Variants in DDX17 observed in about 807,000 individuals in gnomAD.
DDX17 encodes the protein probable ATP-dependent RNA helicase DDX17.
In DDX17, 10 loss-of-function variants were observed where a neutral mutation model predicts 80.8. The observed-to-expected ratio is 0.12, with a 90% CI of 0.08 to 0.21. The LOEUF (loss-of-function observed/expected upper bound fraction) is 0.21, where lower values mean the gene tolerates loss of function less well. DDX17 is among the 10% of genes least tolerant of loss of function. DDX17 has a pLI of 1.00. For missense variants in DDX17, 586 were observed against 957.4 expected (o/e 0.61, Z 5.12); for synonymous variants, 339 against 336.2 (o/e 1.01, Z -0.09).
intron 6 of DDX17, among the ~76,000 whole-genome samples, chr22:38,495,533 C>G (rs2145698727): frequency 6.6e-6 from 1 of 152,292 alleles, no homozygotes; most frequent in South Asian, 2.1e-4. Flanking sequence ...GCATGAGCCA[C>G]CGCACTGGCC....
Position 38,506,214 on chromosome 22 carries a change from C to CGGGGCTACAAAGCCGGT in DDX17, c.7_23dup (p.Ile9ProfsTer4). 1 of 1,606,850 alleles carries CGGGGCTACAAAGCCGGT rather than the reference C, an allele frequency of 6.2e-7. No individual in the cohort carries two copies. The highest frequency in any genetic ancestry group is 8.5e-7 in the Non-Finnish European group (1 of 1,177,232). On this transcript the variant is annotated stop_gained and frameshift_variant, in exon 1 of 13. Coordinates refer to ENST00000403230, the MANE Select transcript of DDX17 (RefSeq NM_006386.5). LOFTEE classifies it high-confidence loss of function. ...GAGACGGGAGCAAAACACAGAGAATCGGGGCTACAAAGCCGGTGGGCAGGT... is the reference window on the plus strand; with the variant it reads ...GAGACGGGAGCAAAACACAGAGAATCGGGGCTACAAAGCCGGTGGGGCTACAAAGCCGGTGGGCAGGT...
intron 11 of DDX17, 46 bp from the exon 12 acceptor site, chr22:38,488,161 A>T (rs745565649): frequency 6.2e-7 from 1 of 1,612,290 alleles, no homozygotes; most frequent in Non-Finnish European, 8.5e-7. Context: ...TGTGGCAGGG[A>T]AAGAGAAGGT....
At chr22:38,486,467 T>A in intron 12 of DDX17, 27 bp from the exon 13 acceptor site, 1 of 1,558,336 alleles carries the variant, frequency 6.4e-7, no homozygotes, top group Non-Finnish European at 8.7e-7. Flanking sequence ...AGAAGATTTT[T>A]AATGGCAGAT....
intron 12 of DDX17, among the ~76,000 whole-genome samples, 189 bp downstream of exon 12, chr22:38,487,686 TTAAC>T (rs1244787588): frequency 1.3e-5 from 2 of 152,318 alleles, no homozygotes; most frequent in Admixed American, 6.5e-5. Flanking sequence ...ACAATTTAGC[TTAAC>T]TAATAGGACT....
chr22:38,495,833 A>C lies in DDX17; in HGVS notation c.843T>G (p.Gly281=). 1 of 1,610,304 alleles carries C rather than the reference A, an allele frequency of 6.2e-7. No homozygotes were observed. Among genetic ancestry groups the C allele is most frequent in the Non-Finnish European group, 8.5e-7 (1 of 1,178,270 alleles). Reference sequence around the variant, plus strand: ...CTCGAATCTGGGGACCTTTAGGAGCACCTCCATAAATACAAGTACTCTTCA... The same window carrying C: ...CTCGAATCTGGGGACCTTTAGGAGCCCCTCCATAAATACAAGTACTCTTCA... Residue 281 remains glycine, a synonymous_variant, in exon 6 of 13, where the codon GGT becomes GGG. Transcript: ENST00000403230.
In DDX17 at chr22:38,493,725, CT is replaced by C; in HGVS notation, c.1371del (p.Asp458IlefsTer20). The C allele has an allele frequency of 6.2e-7, 1 of 1,613,052 alleles. No individual in the cohort carries two copies. On this transcript the variant is annotated frameshift_variant, in exon 10 of 13. Transcript: ENST00000403230. LOFTEE classifies it high-confidence loss of function. ...TTAAACTTACCATTAAGTACCCAAT[CT>C]CTTTCTGGTTGACTCTTGTCTCCAT...
At chr22:38,505,834 C>G in intron 1 of DDX17, 117 bp downstream of exon 1, 1 of 1,314,180 alleles carries the variant, frequency 7.6e-7, no homozygotes, top group Non-Finnish European at 1.0e-6. Context: ...CTCGAGTCGC[C>G]TCCCCTCGCC....
intron 3 of DDX17, among the ~76,000 whole-genome samples, chr22:38,499,040 AAT>A (rs1277643737): frequency 6.6e-6 from 1 of 152,178 alleles, no homozygotes; most frequent in East Asian, 1.9e-4. Flanking sequence ...AAGCTGCTAC[AAT>A]AGTCTACCTC....
chr22:38,504,332 C>A (rs2089859041), intron 1 of DDX17, among the ~76,000 whole-genome samples: 1 of 152,198 alleles, frequency 6.6e-6, no homozygotes, highest in Non-Finnish European at 1.5e-5. Flanking sequence ...TTTATGGAGA[C>A]ATTTGCGTTG....
At chr22:38,493,559 A>G (rs1366236876) in intron 10 of DDX17, 151 bp downstream of exon 10, 6 of 647,890 alleles carry the variant, frequency 9.3e-6, no homozygotes, top group South Asian at 1.9e-5. Context: ...CTGAGTGGCT[A>G]TAACAGAGAC....
chr22:38,488,005 T>A lies in DDX17; in HGVS notation c.1558A>T (p.Thr520Ser). The change falls in exon 12 of 13, where the codon ACC becomes TCC. Residue 520 changes from threonine to serine, a missense_variant. By Grantham distance (58) the Thr-to-Ser change is moderately conservative. Transcript: ENST00000403230. The stretch of plus-strand genomic sequence containing the variant: ...TTTAGGTTCCCTGGGGTGAAGAAGG[T>A]ATAGGCGGTACCCTTGTTGGTGCTA... 1 of 1,614,186 alleles carries A rather than the reference T, an allele frequency of 6.2e-7. No individual in the cohort carries two copies. Among genetic ancestry groups the A allele is most frequent in the Non-Finnish European group, 8.5e-7 (1 of 1,180,032 alleles).
chr22:38,498,717 C>T (rs572360909), intron 3 of DDX17, 144 bp from the exon 4 acceptor site: 10 of 835,878 alleles, frequency 1.2e-5, no homozygotes, highest in East Asian at 1.1e-4. Context: ...ACTAGATCTC[C>T]GACCAACTCA....
chr22:38,500,817 CAAAAAAAAAAAAAAA>C lies in DDX17; in HGVS notation c.438+298_438+312del, dbSNP rs138453. Among the ~76,000 whole-genome samples, 12 of 54,188 alleles carry C rather than the reference CAAAAAAAAAAAAAAA, an allele frequency of 2.2e-4. No individual in the cohort carries two copies. The East Asian group carries it at 6.6e-3, about 30-fold the overall frequency. 35.5% of individuals were successfully genotyped at this position (54,188 alleles called of 152,430 possible). The stretch of plus-strand genomic sequence containing the variant: ...GGGCAACAAGAGCAAAACTCCGTCT[CAAAAAAAAAAAAAAA>C]AAAAAAAAAAAAAATCAGCTGGGTG... On this transcript the variant is annotated intron_variant, in intron 2 of 12. Transcript: ENST00000403230.
chr22:38,505,528 A>C, intron 1 of DDX17: 1 of 172,934 alleles, frequency 5.8e-6, no homozygotes, highest in Non-Finnish European at 1.2e-5. Flanking sequence ...TCCTGGGCTG[A>C]AGTGTTCTCT....
chr22:38,486,562 A>T, intron 12 of DDX17, 122 bp from the exon 13 acceptor site: 1 of 1,371,848 alleles, frequency 7.3e-7, no homozygotes, highest in Non-Finnish European at 9.7e-7. Context: ...TATGCTGGCC[A>T]GCCTCCCAAT....
At chr22:38,500,957 C>T (rs2089823319) in intron 2 of DDX17, among the ~76,000 whole-genome samples, 173 bp downstream of exon 2, 1 of 142,868 alleles carries the variant, frequency 7.0e-6, no homozygotes, top group Non-Finnish European at 1.5e-5. Flanking sequence ...ATGGCGAAAC[C>T]CGGTCTCTAC....
chr22:38,490,734 T>C (rs1265962788), intron 11 of DDX17: 1 of 224,898 alleles, frequency 4.4e-6, no homozygotes, highest in Admixed American at 5.4e-5. Flanking sequence ...TTCTGCCATT[T>C]TGGTGGGTTT....
chr22:38,503,999 T>A (rs558305824), intron 1 of DDX17, among the ~76,000 whole-genome samples: 1 of 152,346 alleles, frequency 6.6e-6, no homozygotes, highest in South Asian at 2.1e-4. Context: ...GTAATTCACT[T>A]TTTTCCTTTC....
intron 12 of DDX17, 110 bp downstream of exon 12, chr22:38,487,769 A>G: frequency 3.6e-6 from 4 of 1,107,318 alleles, no homozygotes; most frequent in Non-Finnish European, 5.5e-6. Flanking sequence ...GTCCTTTGCT[A>G]TTAAGCAACA....
Sources: gnomAD v4.1 joint callset for allele counts (sites outside exome capture counted in the v4.1 genomes callset) on GRCh38, gnomAD v4.1.1 for gene constraint, MANE v1.5 for transcripts, NCBI Gene and HGNC (gene_info 2026-07-23, HGNC 2026-07-21) for gene names.